NLGN1: variants seen among roughly 807,000 people sequenced by gnomAD.
NLGN1 encodes neuroligin-1.
NLGN1 carries 12 observed loss-of-function variants against 65.5 expected under a neutral mutation model. The observed-to-expected ratio is 0.18, with a 90% CI of 0.12 to 0.30. The LOEUF (loss-of-function observed/expected upper bound fraction) is 0.30. NLGN1 is among the 10% of genes least tolerant of loss of function. The pLI, the probability that NLGN1 is intolerant of heterozygous loss-of-function variation, is 1.00. For synonymous variants in NLGN1, 350 were observed against 359.5 expected, an observed-to-expected ratio of 0.97 and a Z score of 0.30; for missense variants, 750 against 1,007.1, an observed-to-expected ratio of 0.74 and a Z score of 3.46.
intron 2 of NLGN1, among the ~76,000 whole-genome samples, chr3:173,557,934 G>C (rs978234512): frequency 6.6e-6 from 1 of 152,056 alleles, no homozygotes. Context: ...ACATTTGGTA[G>C]CATCAATTTT....
At chr3:173,772,853 C>T (rs1003487379) in intron 3 of NLGN1, among the ~76,000 whole-genome samples, 9 of 152,112 alleles carry the variant, frequency 5.9e-5, no homozygotes, top group Non-Finnish European at 1.2e-4. Flanking sequence ...GACTCCTCCT[C>T]CTAATTGCAG....
intron 3 of NLGN1, among the ~76,000 whole-genome samples, chr3:173,662,739 T>C (rs866440898): frequency 3.6e-4 from 55 of 151,982 alleles, no homozygotes; most frequent in Admixed American, 3.6e-3. Context: ...AAATAAGACA[T>C]TTTTGGTTGT....
chr3:174,112,110 T>C (rs1279396249), intron 4 of NLGN1, among the ~76,000 whole-genome samples: 1 of 151,820 alleles, frequency 6.6e-6, no homozygotes, highest in Non-Finnish European at 1.5e-5. Context: ...ATTACCAAAT[T>C]AATATAGAGG....
At chr3:173,995,770 T>C (rs1722145073) in intron 4 of NLGN1, among the ~76,000 whole-genome samples, 1 of 151,708 alleles carries the variant, frequency 6.6e-6, no homozygotes, top group Non-Finnish European at 1.5e-5. Context: ...CACTGTAGTC[T>C]TGAACTCCTG....
intron 4 of NLGN1, among the ~76,000 whole-genome samples, chr3:174,089,945 G>A (rs964049894): frequency 6.6e-6 from 1 of 151,042 alleles, no homozygotes; most frequent in East Asian, 1.9e-4. Context: ...AGGTTTTAGT[G>A]GTGGTACAAT....
At chr3:174,038,422 C>T (rs1315982123) in intron 4 of NLGN1, among the ~76,000 whole-genome samples, 1 of 152,136 alleles carries the variant, frequency 6.6e-6, no homozygotes, top group African/African-American at 2.4e-5. Context: ...ATTTGCCCTT[C>T]TTGTGATGTG....
At chr3:173,685,186 A>G (rs1451462959) in intron 3 of NLGN1, among the ~76,000 whole-genome samples, 3 of 152,154 alleles carry the variant, frequency 2.0e-5, no homozygotes, top group Non-Finnish European at 4.4e-5. Flanking sequence ...TCCAGTTGAA[A>G]ATCAATTTAA....
At chr3:173,432,993 TTCTA>T (rs141983884) in intron 1 of NLGN1, among the ~76,000 whole-genome samples, 3,539 of 152,310 alleles carry the variant, frequency 0.023, 63 homozygotes, top group African/African-American at 0.039. Flanking sequence ...TTCTCTATCT[TTCTA>T]TCTATTAAAA....
intron 4 of NLGN1, among the ~76,000 whole-genome samples, chr3:174,154,424 AAAGT>A (rs1453943901): frequency 6.6e-6 from 1 of 152,060 alleles, no homozygotes; most frequent in Non-Finnish European, 1.5e-5. Flanking sequence ...TAGGTGACAC[AAAGT>A]AAGTGATTTG....
chr3:173,892,578 A>G (rs1735556208), intron 4 of NLGN1, among the ~76,000 whole-genome samples: 1 of 151,346 alleles, frequency 6.6e-6, no homozygotes, highest in Non-Finnish European at 1.5e-5. Context: ...GGCAAACTAA[A>G]AAAAAAAAAA....
At chr3:173,585,344 C>T (rs148501917) in intron 2 of NLGN1, among the ~76,000 whole-genome samples, 33 of 152,206 alleles carry the variant, frequency 2.2e-4, no homozygotes, top group Non-Finnish European at 4.0e-4. Context: ...GGCAGCGGTG[C>T]CTTGGAAAAC....
chr3:173,598,955 T>C (rs1749984190), intron 2 of NLGN1, among the ~76,000 whole-genome samples: 1 of 152,116 alleles, frequency 6.6e-6, no homozygotes, highest in African/African-American at 2.4e-5. Context: ...GTCATTAAAA[T>C]GTGAGCTGCC....
rs574961998 is a variant in NLGN1 at position 173,997,821 on chromosome 3, C to T, written c.646+189989C>T. Among the ~76,000 whole-genome samples, 68 of 152,228 alleles carry T rather than the reference C, an allele frequency of 4.5e-4. No homozygotes were observed. In the South Asian group the frequency reaches 0.013, roughly 30 times the overall value. ...CACTTAATTTAAAAGGGCTTTTACACCTTACTGAAGTAAAATACTAGAACC... is the reference window on the plus strand; with the variant it reads ...CACTTAATTTAAAAGGGCTTTTACATCTTACTGAAGTAAAATACTAGAACC... On this transcript the variant is annotated intron_variant, in intron 4 of 6. Transcript: ENST00000457714.
chr3:174,101,822 A>G (rs1057514886), intron 4 of NLGN1, among the ~76,000 whole-genome samples: 9 of 152,196 alleles, frequency 5.9e-5, no homozygotes, highest in Admixed American at 1.3e-4. Context: ...AAAGGAAGAA[A>G]GGTACTTTTA....
chr3:174,207,396 A>G (rs796917015), intron 4 of NLGN1, among the ~76,000 whole-genome samples: 23 of 152,314 alleles, frequency 1.5e-4, no homozygotes, highest in African/African-American at 5.1e-4. Flanking sequence ...TAGGCACTCA[A>G]TACATTTCTA....
At chr3:173,588,426 A>G (rs1747875856) in intron 2 of NLGN1, among the ~76,000 whole-genome samples, 1 of 152,180 alleles carries the variant, frequency 6.6e-6, no homozygotes, top group African/African-American at 2.4e-5. Context: ...TTCAAGAGTC[A>G]TCCCCCAAAC....
At chr3:173,831,318 T>A (rs900862540) in intron 4 of NLGN1, among the ~76,000 whole-genome samples, 1 of 152,184 alleles carries the variant, frequency 6.6e-6, no homozygotes, top group Non-Finnish European at 1.5e-5. Context: ...ACATCTCTTA[T>A]CTGCAAAATA....
At chr3:173,637,416 G>A (rs1361415557) in intron 3 of NLGN1, among the ~76,000 whole-genome samples, 2 of 152,050 alleles carry the variant, frequency 1.3e-5, no homozygotes, top group African/African-American at 4.8e-5. Flanking sequence ...ACCCCTATTG[G>A]TGTGAATCAT....
intron 3 of NLGN1, chr3:173,800,432 G>A: frequency 2.5e-6 from 1 of 401,038 alleles, no homozygotes; most frequent in Admixed American, 4.4e-5. Context: ...TTTACTTCTT[G>A]TCTTTTTTTG....
Sources: allele counts gnomAD v4.1 joint callset (sites outside exome capture counted in the v4.1 genomes callset), GRCh38; gene constraint gnomAD v4.1.1; transcripts MANE v1.5; gene names NCBI Gene and HGNC (gene_info 2026-07-23, HGNC 2026-07-21).